Variants in SYNPO2 observed in about 807,000 individuals in gnomAD.
The protein encoded by SYNPO2 is synaptopodin-2.
A neutral mutation model predicts 85.0 loss-of-function variants in SYNPO2; 56 were observed. The ratio of observed to expected loss-of-function variants is 0.66; its 90% CI spans 0.53 to 0.82. SYNPO2 has a LOEUF of 0.82. Among genes scored for constraint, SYNPO2 ranks in the 40% least tolerant of loss-of-function variants. SYNPO2 has a pLI of 0.00. For synonymous variants in SYNPO2, 602 were observed against 591.1 expected, an observed-to-expected ratio of 1.02 and a Z score of -0.27; for missense variants, 1,575 against 1,534.2, an observed-to-expected ratio of 1.03 and a Z score of -0.44.
intron 1 of SYNPO2, among the ~76,000 whole-genome samples, chr4:118,940,495 AT>A (rs11456694): frequency 1.3e-5 from 2 of 151,330 alleles, no homozygotes; most frequent in East Asian, 1.9e-4. Context: ...GCAAGCTTTC[AT>A]TTTTTTTTCA....
intron 1 of SYNPO2, among the ~76,000 whole-genome samples, chr4:118,895,246 G>A (rs1732513887): frequency 6.6e-6 from 1 of 152,154 alleles, no homozygotes; most frequent in African/African-American, 2.4e-5. Flanking sequence ...CTGTGGCCAG[G>A]CTTGTGGCTC....
upstream of SYNPO2, among the ~76,000 whole-genome samples, chr4:118,884,127 A>C (rs1361722928): frequency 2.0e-5 from 3 of 152,224 alleles, no homozygotes; most frequent in Non-Finnish European, 4.4e-5. Flanking sequence ...TGAGTTAGCA[A>C]ATCTGCTCTT....
At chr4:118,887,886 G>C (rs867306512), upstream of SYNPO2, among the ~76,000 whole-genome samples, 1 of 152,122 alleles carries the variant, frequency 6.6e-6, no homozygotes, top group Non-Finnish European at 1.5e-5. Flanking sequence ...AACTTTCCCA[G>C]GCTCTTCCTT....
At chr4:118,997,436 T>C (rs1412898810) in intron 1 of SYNPO2, among the ~76,000 whole-genome samples, 1 of 152,128 alleles carries the variant, frequency 6.6e-6, no homozygotes, top group Non-Finnish European at 1.5e-5. Context: ...TCATGCTACC[T>C]GAAGACACGG....
rs1739301664 is a variant in SYNPO2, at chr4:119,058,635, T to G, written c.*701T>G. On this transcript the variant is annotated 3_prime_UTR_variant, in exon 5 of 5. Coordinates refer to ENST00000307142, the MANE Select transcript of SYNPO2 (RefSeq NM_133477.3). ...GATTACAGGCATGAACCACCACACC[T>G]GGATAATTTTTGTATTTTTAGTAGA... is the stretch of plus-strand genomic sequence containing the variant. 6.6e-6 allele frequency: 1 copy of G among 151,882 alleles called. No individual in the cohort carries two copies. The highest frequency in any genetic ancestry group is 1.5e-5 in the Non-Finnish European group (1 of 67,970). The allele number at this position is 151,882 out of a possible 1,614,324, so 9.4% of individuals were successfully genotyped here. A position where few individuals can be genotyped will look rare whatever the true frequency, so the allele number is the denominator to read the frequency against.
At chr4:119,005,673 C>A (rs1737008021) in intron 1 of SYNPO2, among the ~76,000 whole-genome samples, 1 of 151,964 alleles carries the variant, frequency 6.6e-6, no homozygotes. Context: ...ATGCCTCCTG[C>A]TTTGTTCTTT....
At chr4:118,868,996 A>G (rs1196381042) in intron 1 of SYNPO2, among the ~76,000 whole-genome samples, 2 of 152,114 alleles carry the variant, frequency 1.3e-5, no homozygotes, top group Non-Finnish European at 2.9e-5. Context: ...CTATTCCCAG[A>G]AAGTTTAGCA....
chr4:119,008,772 C>A (rs1220681516), intron 1 of SYNPO2, among the ~76,000 whole-genome samples: 4 of 151,460 alleles, frequency 2.6e-5, no homozygotes, highest in Non-Finnish European at 5.9e-5. Context: ...TTTTTTTTTG[C>A]TGAACTTTAA....
intron 1 of SYNPO2, among the ~76,000 whole-genome samples, chr4:118,879,535 A>C (rs1732030258): frequency 1.3e-5 from 2 of 152,204 alleles, no homozygotes; most frequent in Admixed American, 6.5e-5. Context: ...GTCATCTACA[A>C]ACCAGGAAGA....
chr4:119,058,032 G>C lies in SYNPO2; in HGVS notation c.*98G>C. ...TTCTAATAGATTTAGATTCACTTTT[G>C]GTCTTGGCTTGTTCTCATAAGTCAT... On this transcript the variant is annotated 3_prime_UTR_variant, in exon 5 of 5. Coordinates refer to ENST00000307142, the MANE Select transcript of SYNPO2 (RefSeq NM_133477.3). 7.4e-7 allele frequency: 1 copy of C among 1,357,148 alleles called. No individual in the cohort carries two copies. The highest frequency in any genetic ancestry group is 1.5e-5 in the South Asian group (1 of 66,292). The allele number at this position is 1,357,148 out of a possible 1,614,324, so 84.1% of individuals were successfully genotyped here. A position where few individuals can be genotyped will look rare whatever the true frequency, so the allele number is the denominator to read the frequency against.
intron 1 of SYNPO2, among the ~76,000 whole-genome samples, chr4:118,947,254 C>A (rs1289223073): frequency 6.6e-6 from 1 of 152,148 alleles, no homozygotes; most frequent in Non-Finnish European, 1.5e-5. Flanking sequence ...AGGCACAATG[C>A]ATATTCGAAC....
intron 1 of SYNPO2, among the ~76,000 whole-genome samples, chr4:118,963,180 CA>C (rs375429430): frequency 1.6e-3 from 246 of 152,308 alleles, no homozygotes; most frequent in African/African-American, 5.7e-3. Context: ...ATACTTTCCA[CA>C]AGGCACCCTA....
chr4:119,045,313 G>T (rs1160703679), intron 4 of SYNPO2, among the ~76,000 whole-genome samples: 1 of 152,120 alleles, frequency 6.6e-6, no homozygotes, highest in Non-Finnish European at 1.5e-5. Flanking sequence ...CTTCCCACAT[G>T]CTGGATGCAG....
upstream of SYNPO2, among the ~76,000 whole-genome samples, chr4:118,886,450 T>A (rs1222552388): frequency 1.3e-5 from 2 of 152,132 alleles, no homozygotes; most frequent in African/African-American, 4.8e-5. Flanking sequence ...TCCCTCCCTG[T>A]GTCTATGTGT....
chr4:119,052,147 T>C (rs538051581), intron 4 of SYNPO2, among the ~76,000 whole-genome samples: 1 of 152,278 alleles, frequency 6.6e-6, no homozygotes, highest in Non-Finnish European at 1.5e-5. Context: ...AGGGACAGGC[T>C]GACAAACTGT....
At chr4:118,865,998 A>G (rs1731694093) in intron 1 of SYNPO2, among the ~76,000 whole-genome samples, 2 of 152,240 alleles carry the variant, frequency 1.3e-5, no homozygotes, top group South Asian at 4.1e-4. Context: ...CTTCATGTGT[A>G]GAATTTAATA....
chr4:119,000,184 T>G (rs756152935), intron 1 of SYNPO2, among the ~76,000 whole-genome samples: 2 of 152,278 alleles, frequency 1.3e-5, no homozygotes, highest in Non-Finnish European at 2.9e-5. Flanking sequence ...TTCCACCAGG[T>G]AGCAAGGTTT....
At chr4:118,914,594 T>G (rs370111337) in intron 1 of SYNPO2, among the ~76,000 whole-genome samples, 1 of 151,962 alleles carries the variant, frequency 6.6e-6, no homozygotes, top group African/African-American at 2.4e-5. Context: ...TCTGGGAGGG[T>G]TTTTTTGTGA....
At chr4:118,870,287 T>A (rs1014499183) in intron 1 of SYNPO2, among the ~76,000 whole-genome samples, 2 of 152,186 alleles carry the variant, frequency 1.3e-5, no homozygotes, top group Non-Finnish European at 2.9e-5. Context: ...TTGGGATCCT[T>A]CCCCCTTCAG....
Sources: gnomAD v4.1 joint callset for allele counts (sites outside exome capture counted in the v4.1 genomes callset) on GRCh38, gnomAD v4.1.1 for gene constraint, MANE v1.5 for transcripts, NCBI Gene and HGNC (gene_info 2026-07-23, HGNC 2026-07-21) for gene names.